Variants in PELI2 observed in about 807,000 individuals in gnomAD.
The protein encoded by PELI2 is E3 ubiquitin-protein ligase pellino homolog 2.
PELI2 carries 23 observed loss-of-function variants against 42.3 expected under a neutral mutation model. The ratio of observed to expected loss-of-function variants is 0.54; its 90% CI spans 0.39 to 0.77. The LOEUF (loss-of-function observed/expected upper bound fraction) is 0.77, where lower values mean the gene tolerates loss of function less well. Among genes scored for constraint, PELI2 ranks in the 30% least tolerant of loss-of-function variants. The probability of loss-of-function intolerance (pLI) is 0.00; values close to 1 mark genes in which losing one functional copy is unlikely to be tolerated. For missense variants in PELI2, 463 were observed against 553.2 expected (o/e 0.84, Z 1.64); for synonymous variants, 245 against 212.2 (o/e 1.15, Z -1.34).
chr14:56,201,575 A>G (rs1199322011), intron 2 of PELI2, among the ~76,000 whole-genome samples: 1 of 152,196 alleles, frequency 6.6e-6, no homozygotes, highest in Non-Finnish European at 1.5e-5. Context: ...ATTTTTCCCT[A>G]TATATTATGG....
intron 3 of PELI2, among the ~76,000 whole-genome samples, chr14:56,279,985 A>C (rs1200697637): frequency 1.3e-5 from 2 of 152,172 alleles, no homozygotes; most frequent in African/African-American, 4.8e-5. Context: ...ACATTCTCAG[A>C]CCTCAGTGCA....
At chr14:56,146,613 TAC>T (rs1884130692) in intron 1 of PELI2, among the ~76,000 whole-genome samples, 1 of 152,190 alleles carries the variant, frequency 6.6e-6, no homozygotes, top group Admixed American at 6.5e-5. Flanking sequence ...TAACAGAATG[TAC>T]ACAGTCATAG....
At chr14:56,189,468 C>T (rs529552976) in intron 2 of PELI2, among the ~76,000 whole-genome samples, 2 of 152,186 alleles carry the variant, frequency 1.3e-5, no homozygotes, top group African/African-American at 2.4e-5. Flanking sequence ...TTTCATGGCT[C>T]TCTGCCTGAT....
At chr14:56,267,514 T>TTTATTTTAC (rs1888949892) in intron 2 of PELI2, among the ~76,000 whole-genome samples, 2 of 152,140 alleles carry the variant, frequency 1.3e-5, no homozygotes, top group African/African-American at 2.4e-5. Context: ...AGGAAAGACA[T>TTTATTTTAC]TCATTATTTT....
At position 56,185,967 on chromosome 14, in the gene PELI2, A is replaced by C. The variant is rs978702096; in HGVS notation, c.207+7503A>C. Reference sequence around the variant, plus strand: ...CATACATTAATCACTGGAATCTGTGAATATATTACCTTACATGGCAAAAGG... The same window carrying C: ...CATACATTAATCACTGGAATCTGTGCATATATTACCTTACATGGCAAAAGG... On this transcript the variant is annotated intron_variant, in intron 2 of 5. Coordinates refer to ENST00000267460, the MANE Select transcript of PELI2 (RefSeq NM_021255.3). Among the ~76,000 whole-genome samples the C allele has an allele frequency of 2.0e-5, 3 of 152,150 alleles. No homozygotes were observed. The East Asian group carries it at 5.8e-4, about 29-fold the overall frequency.
chr14:56,210,943 T>C (rs559889051), intron 2 of PELI2, among the ~76,000 whole-genome samples: 1 of 152,350 alleles, frequency 6.6e-6, no homozygotes, highest in African/African-American at 2.4e-5. Context: ...GAATAACTTT[T>C]GCTGTTCCTT....
At chr14:56,151,106 G>A (rs779513785) in intron 1 of PELI2, among the ~76,000 whole-genome samples, 6 of 152,218 alleles carry the variant, frequency 3.9e-5, no homozygotes, top group Admixed American at 2.0e-4. Flanking sequence ...CTTCTGACCC[G>A]TGTTCTGACA....
intron 2 of PELI2, among the ~76,000 whole-genome samples, chr14:56,256,498 A>T (rs1001343327): frequency 6.6e-6 from 1 of 152,126 alleles, no homozygotes; most frequent in East Asian, 1.9e-4. Context: ...AAAATTAACT[A>T]TAAATGTAAG....
chr14:56,177,879 A>G (rs897356254), intron 1 of PELI2, among the ~76,000 whole-genome samples: 1 of 152,224 alleles, frequency 6.6e-6, no homozygotes, highest in Non-Finnish European at 1.5e-5. Flanking sequence ...ACAAATAAAG[A>G]TCCTGCAGAC....
intron 1 of PELI2, among the ~76,000 whole-genome samples, chr14:56,157,757 A>G (rs1427714942): frequency 6.6e-6 from 1 of 152,232 alleles, no homozygotes. Flanking sequence ...AAAAGTTTAA[A>G]GTAAATATAT....
At chr14:56,162,647 C>T (rs1337150437) in intron 1 of PELI2, among the ~76,000 whole-genome samples, 1 of 152,146 alleles carries the variant, frequency 6.6e-6, no homozygotes, top group African/African-American at 2.4e-5. Flanking sequence ...ATTGCTGAGT[C>T]ATATGGTGCT....
At chr14:56,165,527 T>A (rs1478199837) in intron 1 of PELI2, among the ~76,000 whole-genome samples, 2 of 152,184 alleles carry the variant, frequency 1.3e-5, no homozygotes, top group Admixed American at 1.3e-4. Context: ...TTGAGAATGA[T>A]CCATGTGCTG....
intron 1 of PELI2, among the ~76,000 whole-genome samples, chr14:56,149,052 T>C (rs1884239327): frequency 6.6e-6 from 1 of 152,194 alleles, no homozygotes; most frequent in African/African-American, 2.4e-5. Flanking sequence ...CTTAGCTTAC[T>C]TGTTTCAGTA....
At chr14:56,254,805 A>G (rs984253729) in intron 2 of PELI2, among the ~76,000 whole-genome samples, 2 of 152,192 alleles carry the variant, frequency 1.3e-5, no homozygotes, top group Non-Finnish European at 2.9e-5. Flanking sequence ...GAAAAAAACA[A>G]CCCTATCAAA....
chr14:56,231,980 C>A (rs1267587921), intron 2 of PELI2, among the ~76,000 whole-genome samples: 1 of 152,138 alleles, frequency 6.6e-6, no homozygotes, highest in Non-Finnish European at 1.5e-5. Flanking sequence ...ACTGTAAACA[C>A]CTCTATGCAA....
chr14:56,179,540 A>G (rs1885510818), intron 2 of PELI2, among the ~76,000 whole-genome samples: 1 of 152,234 alleles, frequency 6.6e-6, no homozygotes, highest in Non-Finnish European at 1.5e-5. Context: ...ATCAAACACC[A>G]CGGAAACAAG....
intron 2 of PELI2, among the ~76,000 whole-genome samples, chr14:56,208,470 G>C (rs183492498): frequency 1.2e-4 from 18 of 152,312 alleles, no homozygotes; most frequent in Admixed American, 4.6e-4. Context: ...GATTGCATTT[G>C]CCTTTTTTCC....
At chr14:56,213,421 G>A (rs899918773) in intron 2 of PELI2, among the ~76,000 whole-genome samples, 4 of 152,326 alleles carry the variant, frequency 2.6e-5, no homozygotes, top group African/African-American at 9.6e-5. Flanking sequence ...TAAAAGCAGA[G>A]TCCAAGTTAG....
At chr14:56,216,491 A>G (rs926434744) in intron 2 of PELI2, among the ~76,000 whole-genome samples, 2 of 152,282 alleles carry the variant, frequency 1.3e-5, no homozygotes, top group African/African-American at 4.8e-5. Flanking sequence ...AACAAGACAT[A>G]GGCTGTTCTG....
Sources: gnomAD v4.1 joint callset for allele counts (sites outside exome capture counted in the v4.1 genomes callset) on GRCh38, gnomAD v4.1.1 for gene constraint, MANE v1.5 for transcripts, NCBI Gene and HGNC (gene_info 2026-07-23, HGNC 2026-07-21) for gene names.